The following VANGL1 variants were observed in gnomAD, a reference collection of about 807,000 sequenced individuals.
VANGL1 encodes VANGL planar cell polarity protein 1, also known as vang-like protein 1.
VANGL1 carries 18 observed loss-of-function variants against 48.4 expected under a neutral mutation model. The observed-to-expected ratio is 0.37, with a 90% CI of 0.26 to 0.55. The LOEUF (loss-of-function observed/expected upper bound fraction) is 0.55, where lower values mean the gene tolerates loss of function less well. Among genes scored for constraint, VANGL1 ranks in the 20% least tolerant of loss-of-function variants. VANGL1 has a pLI of 0.81. For synonymous variants in VANGL1, 257 were observed against 261.8 expected, an observed-to-expected ratio of 0.98 and a Z score of 0.18; for missense variants, 667 against 675.8, an observed-to-expected ratio of 0.99 and a Z score of 0.14.
Position 115,663,800 on chromosome 1 carries a change from T to C in VANGL1, c.344T>C (p.Val115Ala), listed in dbSNP as rs1221409613. The change falls in exon 4 of 8, where the codon GTC (valine) becomes GCC (alanine). Residue 115 changes from valine to alanine, a missense_variant. By Grantham distance (64) the Val-to-Ala change is moderately conservative (BLOSUM62 0). Transcript: ENST00000355485. ...LDCKRYLGLT[V>A]ASFLGLLVFL... ...TGCAAACGCTACCTGGGCCTCACCG[T>C]CGCCTCTTTTCTTGGACTTCTAGTT... 6.2e-7 allele frequency: 1 copy of C among 1,614,216 alleles called. No individual in the cohort carries two copies. The highest frequency in any genetic ancestry group is 1.3e-5 in the African/African-American group (1 of 75,046).
intron 7 of VANGL1, among the ~76,000 whole-genome samples, chr1:115,687,883 T>G (rs1653687509): frequency 7.4e-6 from 1 of 135,986 alleles, no homozygotes; most frequent in Admixed American, 7.7e-5. Context: ...GCCTCAGCCT[T>G]GCAAAGTGCT....
intron 4 of VANGL1, among the ~76,000 whole-genome samples, chr1:115,681,721 G>T (rs10923171): frequency 0.65 from 97,992 of 151,754 alleles, 31,944 homozygotes; most frequent in South Asian, 0.75. Context: ...TGGTTAGGCT[G>T]GTCTCAAACT....
intron 4 of VANGL1, among the ~76,000 whole-genome samples, chr1:115,681,796 C>T (rs1169800972): frequency 2.0e-5 from 3 of 152,140 alleles, no homozygotes; most frequent in Non-Finnish European, 2.9e-5. Context: ...CGTGAGCCAC[C>T]GCGCGTGGCC....
At chr1:115,642,678 G>A (rs1456312136) in intron 1 of VANGL1, 1 of 152,362 alleles carries the variant, frequency 6.6e-6, no homozygotes, top group Non-Finnish European at 1.5e-5. Context: ...GGGCGAGTCC[G>A]GTTGCGCCTC....
chr1:115,654,479 A>T (rs1652269292), intron 2 of VANGL1, among the ~76,000 whole-genome samples: 1 of 140,862 alleles, frequency 7.1e-6, no homozygotes, highest in Admixed American at 7.1e-5. Flanking sequence ...CCTGGTATTG[A>T]CAAGGGAATT....
chr1:115,678,344 G>A (rs987761877), intron 4 of VANGL1, among the ~76,000 whole-genome samples: 3 of 152,194 alleles, frequency 2.0e-5, no homozygotes, highest in African/African-American at 4.8e-5. Context: ...TGCTGGGCAC[G>A]GACAGTGGCG....
Position 115,685,412 on chromosome 1 carries a change from C to T in VANGL1, c.1199C>T (p.Ser400Phe). ...GAGGCCGCCCAGGCCATTTTCCCCT[C>T]CATGGCCAGGGCTCTCCAGAAGTAC... is the stretch of plus-strand genomic sequence containing the variant. ...PREAAQAIFP[S>F]MARALQKYLR... The change falls in exon 7 of 8, where the codon TCC (serine) becomes TTC (phenylalanine). Residue 400 changes from serine (S) to phenylalanine (F), a missense_variant. Physicochemically the swap from Ser to Phe is radical, Grantham distance 155. Coordinates refer to ENST00000355485, the MANE Select transcript of VANGL1 (RefSeq NM_138959.3). 6.2e-7 allele frequency: 1 copy of T among 1,614,180 alleles called. No homozygotes were observed.
At position 115,693,533 on chromosome 1, in the gene VANGL1, C is replaced by G. The variant is rs922929325; in HGVS notation, c.*2154C>G. The G allele has an allele frequency of 3.9e-5, 6 of 152,406 alleles. No individual in the cohort carries two copies. Among genetic ancestry groups the G allele is most frequent in the Admixed American group, 3.3e-4 (5 of 15,282 alleles). The allele number at this position is 152,406 out of a possible 1,614,324, so 9.4% of individuals were successfully genotyped here. On this transcript the variant is annotated 3_prime_UTR_variant, in exon 8 of 8. Coordinates refer to ENST00000355485, the MANE Select transcript of VANGL1 (RefSeq NM_138959.3). ...GTTTAAATTAAAGAATTTATTTTCT[C>G]TCTCCCCCTTCCTCTTTCTCCCAGT...
intron 4 of VANGL1, among the ~76,000 whole-genome samples, chr1:115,673,507 A>G (rs558780652): frequency 1.4e-5 from 2 of 146,344 alleles, no homozygotes; most frequent in East Asian, 4.0e-4. Flanking sequence ...GCTGCTGGCA[A>G]CCCTTCGTGT....
rs565343190 is a variant in VANGL1, at chr1:115,690,209, C to T, written c.1315-910C>T. ...TAGTGTGGGGAGCAGACATGCAAGT[C>T]AGCAATCACTTTGAAAGTAAAGGGT... On this transcript the variant is annotated intron_variant, in intron 7 of 7. Coordinates refer to ENST00000355485, the MANE Select transcript of VANGL1 (RefSeq NM_138959.3). Among the ~76,000 whole-genome samples, 2 of 151,722 alleles carry T rather than the reference C, an allele frequency of 1.3e-5. 1 individual carries two copies. Among genetic ancestry groups the T allele is most frequent in the African/African-American group, 4.8e-5 (2 of 41,436 alleles).
chr1:115,685,667 A>C, intron 7 of VANGL1, 140 bp downstream of exon 7: 4 of 930,246 alleles, frequency 4.3e-6, no homozygotes, highest in Non-Finnish European at 6.8e-6. Context: ...AGTGATTCTC[A>C]CTTATTTTAT....
At chr1:115,676,741 C>T (rs374398898) in intron 4 of VANGL1, among the ~76,000 whole-genome samples, 26 of 152,322 alleles carry the variant, frequency 1.7e-4, no homozygotes, top group African/African-American at 5.8e-4. Flanking sequence ...TGCCTTAGGG[C>T]GATGCCGACC....
chr1:115,689,612 G>T (rs1354752329), intron 7 of VANGL1, among the ~76,000 whole-genome samples: 2 of 135,966 alleles, frequency 1.5e-5, no homozygotes, highest in African/African-American at 5.6e-5. Context: ...CTCCAGCCTG[G>T]GTAACAAGAG....
chr1:115,647,414 A>G (rs1201837921), intron 1 of VANGL1, among the ~76,000 whole-genome samples: 7 of 152,236 alleles, frequency 4.6e-5, no homozygotes, highest in Non-Finnish European at 7.3e-5. Context: ...TATCTCATAG[A>G]TATATCATTG....
At chr1:115,665,369 TG>T (rs1652734404) in intron 4 of VANGL1, among the ~76,000 whole-genome samples, 1 of 152,248 alleles carries the variant, frequency 6.6e-6, no homozygotes, top group African/African-American at 2.4e-5. Flanking sequence ...GTAGCCTGCT[TG>T]GGGCAGGGTA....
chr1:115,689,636 CAA>C (rs555032797), intron 7 of VANGL1, among the ~76,000 whole-genome samples: 1 of 117,084 alleles, frequency 8.5e-6, no homozygotes, highest in Non-Finnish European at 1.8e-5. Flanking sequence ...AACTCTGCCT[CAA>C]AAAAAAAAAA....
Position 115,682,438 on chromosome 1 carries a change from C to T in VANGL1, c.887C>T (p.Thr296Ile), listed in dbSNP as rs1296692506. Reference protein sequence around the residue: ...DFTIYNPNLLTASKFRAAKHM... With the variant: ...DFTIYNPNLLIASKFRAAKHM... ...ACCATCTATAACCCAAACCTCCTAA[C>T]AGCCTCCAAATTCCGAGCAGCCAAG... The change falls in exon 5 of 8, where the codon ACA (threonine) becomes ATA (isoleucine). Residue 296 changes from threonine (T) to isoleucine (I), a missense_variant. Thr to Ile is a moderately conservative substitution (Grantham distance 89). Coordinates refer to ENST00000355485, the MANE Select transcript of VANGL1 (RefSeq NM_138959.3). 1.2e-6 allele frequency: 2 copies of T among 1,614,194 alleles called. No individual in the cohort carries two copies. The highest frequency in any genetic ancestry group is 4.5e-5 in the East Asian group (2 of 44,880).
At chr1:115,669,485 A>G (rs2101012127) in intron 4 of VANGL1, among the ~76,000 whole-genome samples, 1 of 152,250 alleles carries the variant, frequency 6.6e-6, no homozygotes, top group African/African-American at 2.4e-5. Flanking sequence ...TAATTCCCAC[A>G]TGTTGTGGGA....
intron 4 of VANGL1, among the ~76,000 whole-genome samples, chr1:115,671,954 G>A (rs769066263): frequency 3.9e-5 from 6 of 152,232 alleles, no homozygotes; most frequent in East Asian, 1.9e-4. Context: ...CCACTGGGTC[G>A]TGGTGTTAAG....
Sources: gnomAD v4.1 joint callset for allele counts (sites outside exome capture counted in the v4.1 genomes callset) on GRCh38, gnomAD v4.1.1 for gene constraint, MANE v1.5 for transcripts, NCBI Gene and HGNC (gene_info 2026-07-23, HGNC 2026-07-21) for gene names.